The following ZC3H7A variants were observed in gnomAD, a reference collection of about 807,000 sequenced individuals.
ZC3H7A encodes zinc finger CCCH domain-containing protein 7A.
Under a neutral mutation model 125.5 loss-of-function variants are expected in ZC3H7A, and 44 were observed. The observed-to-expected ratio is 0.35, with a 90% confidence interval of 0.28 to 0.45. ZC3H7A has a LOEUF of 0.45. Ranked by LOEUF, ZC3H7A falls within the 20% of genes least tolerant of loss-of-function variation. The pLI is 1.00. For synonymous variants in ZC3H7A, 399 were observed against 391.2 expected (o/e 1.02, Z -0.23); for missense variants, 977 against 1,170.7 (o/e 0.83, Z 2.41).
chr16:11,776,947 A>C (rs2053090292), intron 4 of ZC3H7A, 38 bp from the exon 5 acceptor site: 2 of 1,505,786 alleles, frequency 1.3e-6, no homozygotes, highest in African/African-American at 1.4e-5. Context: ...CAGCAATCAA[A>C]CAATTCATTT....
intron 3 of ZC3H7A, 122 bp downstream of exon 3, chr16:11,781,303 T>G: frequency 1.2e-6 from 1 of 823,766 alleles, no homozygotes. Context: ...TAAAATAAAA[T>G]AAAATAAAAG....
At chr16:11,793,115 A>G (rs1005350758) in intron 1 of ZC3H7A, among the ~76,000 whole-genome samples, 2 of 152,218 alleles carry the variant, frequency 1.3e-5, no homozygotes, top group Non-Finnish European at 2.9e-5. Flanking sequence ...TACAAATAAT[A>G]TTAAAACAGC....
At position 11,787,682 on chromosome 16, in the gene ZC3H7A, A is replaced by C. The variant is rs2053279666; in HGVS notation, c.-34-5294T>G. On this transcript the variant is annotated intron_variant, in intron 1 of 22. Coordinates refer to ENST00000355758, the MANE Select transcript of ZC3H7A (RefSeq NM_014153.4). ...AGGGACTGGCCAGGCACAGTGGCTCACGTCTGTAATCCCAGCACTTTGGGA... is the reference window on the plus strand; with the variant it reads ...AGGGACTGGCCAGGCACAGTGGCTCCCGTCTGTAATCCCAGCACTTTGGGA... Among the ~76,000 whole-genome samples the C allele has an allele frequency of 2.0e-5, 3 of 152,246 alleles. No homozygotes were observed. The South Asian group carries it at 6.2e-4, about 32-fold the overall frequency.
intron 1 of ZC3H7A, among the ~76,000 whole-genome samples, chr16:11,795,431 T>C (rs1026969308): frequency 2.0e-5 from 3 of 152,218 alleles, no homozygotes; most frequent in Admixed American, 1.3e-4. Flanking sequence ...ATTGTATGTA[T>C]GTATGTATGT....
intron 19 of ZC3H7A, among the ~76,000 whole-genome samples, chr16:11,760,137 A>AAAAAAAAAG (rs1567374756): frequency 9.2e-4 from 126 of 137,434 alleles, no homozygotes; most frequent in South Asian, 1.6e-3. Context: ...AAAAAAAAAA[A>AAAAAAAAAG]AAAAAAAAGA....
chr16:11,751,641 G>A (rs181601662), intron 22 of ZC3H7A, 135 bp from the exon 23 acceptor site: 11 of 836,104 alleles, frequency 1.3e-5, no homozygotes, highest in South Asian at 6.4e-5. Context: ...AGCCTAGAAT[G>A]GTAAATATTT....
At chr16:11,761,180 TC>T (rs985927812) in intron 19 of ZC3H7A, among the ~76,000 whole-genome samples, 1 of 152,180 alleles carries the variant, frequency 6.6e-6, no homozygotes, top group Admixed American at 6.5e-5. Flanking sequence ...AGATCCACTA[TC>T]TATTTACTTT....
chr16:11,787,334 G>A (rs1426248040), intron 1 of ZC3H7A, among the ~76,000 whole-genome samples: 1 of 152,146 alleles, frequency 6.6e-6, no homozygotes, highest in Non-Finnish European at 1.5e-5. Context: ...ACCATTAACT[G>A]TCACTCTACA....
intron 1 of ZC3H7A, among the ~76,000 whole-genome samples, chr16:11,795,884 C>G (rs943507447): frequency 1.3e-5 from 2 of 152,212 alleles, no homozygotes; most frequent in African/African-American, 4.8e-5. Context: ...CTCACCGAAG[C>G]CTCAATCTCC....
chr16:11,768,043 T>G (rs2052892283), intron 12 of ZC3H7A, among the ~76,000 whole-genome samples: 1 of 152,206 alleles, frequency 6.6e-6, no homozygotes, highest in East Asian at 1.9e-4. Flanking sequence ...ATAAGGAGTT[T>G]CATTAAAATT....
chr16:11,770,731 T>C lies in ZC3H7A; in HGVS notation c.1108+52A>G, dbSNP rs370339350. ...TTAAATAATTGCCAAACAAACATTT[T>C]CATTTTGAGAAAATCAACTGCAATT... On this transcript the variant is annotated intron_variant, in intron 10 of 22. Transcript: ENST00000355758. 3.3e-6 allele frequency: 5 copies of C among 1,513,446 alleles called. No homozygotes were observed. In the African/African-American group the frequency reaches 6.9e-5, roughly 21 times the overall value. The allele number at this position is 1,513,446 out of a possible 1,614,324, so 93.8% of individuals were successfully genotyped here.
chr16:11,771,400 A>G (rs2052979102), intron 9 of ZC3H7A, among the ~76,000 whole-genome samples: 1 of 152,252 alleles, frequency 6.6e-6, no homozygotes, highest in East Asian at 1.9e-4. Flanking sequence ...AAAAAATAAA[A>G]AAAAAAACAA....
chr16:11,788,872 A>G (rs1212790562), intron 1 of ZC3H7A, among the ~76,000 whole-genome samples: 3 of 152,160 alleles, frequency 2.0e-5, no homozygotes. Context: ...TCAGCCTCCC[A>G]AAGTGCTGGG....
chr16:11,786,046 T>C (rs987221330), intron 1 of ZC3H7A, among the ~76,000 whole-genome samples: 4 of 152,118 alleles, frequency 2.6e-5, no homozygotes, highest in Admixed American at 2.6e-4. Context: ...GGAAAAGGGG[T>C]AGGACGAGGT....
At chr16:11,776,580 G>A in intron 5 of ZC3H7A, 48 bp from the exon 6 acceptor site, 1 of 1,544,190 alleles carries the variant, frequency 6.5e-7, no homozygotes, top group Non-Finnish European at 8.8e-7. Context: ...TTTACTAATG[G>A]TGAAGAAGAA....
chr16:11,770,916 C>T lies in ZC3H7A; in HGVS notation c.975G>A (p.Leu325=). Reference sequence around the variant, plus strand: ...TCGCACCAATGGGTAAGGTTCCTAACAGCGATGCCGAAAAGGGCATGCTAG... The same window carrying T: ...TCGCACCAATGGGTAAGGTTCCTAATAGCGATGCCGAAAAGGGCATGCTAG... ...VSPSMPFSAS[L]LGTLPIGARY... The change falls in exon 10 of 23, where the codon CTG becomes CTA. Residue 325 remains leucine, a synonymous_variant. Transcript: ENST00000355758. 1 of 1,614,102 alleles carries T rather than the reference C, an allele frequency of 6.2e-7. No homozygotes were observed. Among genetic ancestry groups the T allele is most frequent in the Non-Finnish European group, 8.5e-7 (1 of 1,179,974 alleles).
At chr16:11,763,451 A>G in intron 16 of ZC3H7A, 27 bp downstream of exon 16, 1 of 1,586,152 alleles carries the variant, frequency 6.3e-7, no homozygotes, top group Non-Finnish European at 8.6e-7. Flanking sequence ...TTGAGGAGAC[A>G]TACTTCTCAG....
intron 5 of ZC3H7A, 104 bp from the exon 6 acceptor site, chr16:11,776,636 C>A: frequency 6.7e-7 from 1 of 1,489,618 alleles, no homozygotes; most frequent in Non-Finnish European, 9.0e-7. Flanking sequence ...GCTTCATTAG[C>A]ATTTATACCC....
intron 9 of ZC3H7A, among the ~76,000 whole-genome samples, chr16:11,772,405 C>G (rs985584098): frequency 6.6e-6 from 1 of 151,702 alleles, no homozygotes; most frequent in African/African-American, 2.4e-5. Context: ...AGCTTCCACG[C>G]ACCTTACGTT....
Sources: gnomAD v4.1 joint callset for allele counts (sites outside exome capture counted in the v4.1 genomes callset) on GRCh38, gnomAD v4.1.1 for gene constraint, MANE v1.5 for transcripts, NCBI Gene and HGNC (gene_info 2026-07-23, HGNC 2026-07-21) for gene names.